FBRSL1: variants seen among roughly 807,000 people sequenced by gnomAD.
FBRSL1 encodes the protein fibrosin like 1.
Under a neutral mutation model 89.6 loss-of-function variants are expected in FBRSL1, and 51 were observed. The ratio of observed to expected loss-of-function variants is 0.57; its 90% CI spans 0.45 to 0.72. The LOEUF is 0.72. Ranked by LOEUF, FBRSL1 falls within the 30% of genes least tolerant of loss-of-function variation. FBRSL1 has a pLI of 0.00. For missense variants in FBRSL1, 1,618 were observed against 1,451.8 expected (o/e 1.11, Z -1.86); for synonymous variants, 779 against 681.1 (o/e 1.14, Z -2.24).
At chr12:132,557,001 G>A (rs960387723) in intron 5 of FBRSL1, among the ~76,000 whole-genome samples, 7 of 152,340 alleles carry the variant, frequency 4.6e-5, no homozygotes, top group South Asian at 4.1e-4. Context: ...AACCATGGCC[G>A]AATGGAGGTT....
intron 4 of FBRSL1, among the ~76,000 whole-genome samples, chr12:132,535,830 T>C (rs2036668670): frequency 6.9e-6 from 1 of 145,188 alleles, no homozygotes; most frequent in South Asian, 2.2e-4. Flanking sequence ...ATGGTGTGAG[T>C]GCACGTGTCC....
At chr12:132,540,881 A>G (rs898846152) in intron 4 of FBRSL1, among the ~76,000 whole-genome samples, 2 of 152,196 alleles carry the variant, frequency 1.3e-5, no homozygotes, top group Non-Finnish European at 2.9e-5. Context: ...CTTGCTGAGT[A>G]GCCATACAGC....
At chr12:132,548,576 C>T (rs947302896) in intron 5 of FBRSL1, among the ~76,000 whole-genome samples, 3 of 152,224 alleles carry the variant, frequency 2.0e-5, no homozygotes, top group Non-Finnish European at 2.9e-5. Flanking sequence ...GAGCCACGTC[C>T]CCTCAGCCTC....
intron 14 of FBRSL1, among the ~76,000 whole-genome samples, chr12:132,576,253 C>T (rs1364509953): frequency 1.3e-5 from 2 of 149,002 alleles, no homozygotes; most frequent in African/African-American, 2.5e-5. Flanking sequence ...AGTGCAGTGG[C>T]ATGATCTCGG....
Position 132,562,808 on chromosome 12 carries a change from G to C in FBRSL1, c.646-4673G>C, listed in dbSNP as rs1275442070. 2.6e-5 allele frequency among the ~76,000 whole-genome samples: 4 copies of C among 152,230 alleles called. No homozygotes were observed. In the East Asian group the frequency reaches 7.7e-4, roughly 29 times the overall value. Reference sequence around the variant, plus strand: ...GCATGGACCTGCTGCTCTTCTCTGTGGTTCAGGCCCTTGCGACGTGACTAG... The same window carrying C: ...GCATGGACCTGCTGCTCTTCTCTGTCGTTCAGGCCCTTGCGACGTGACTAG... On this transcript the variant is annotated intron_variant, in intron 5 of 18. Transcript: ENST00000680143.
rs937592177 is a variant in FBRSL1, at chr12:132,546,463, G to A, written c.616-1540G>A. ...TACCTCTCACCCTGAAGGCCAGACCGGGGGAACCCTAGGAGAGGGCTTGGC... is the reference window on the plus strand; with the variant it reads ...TACCTCTCACCCTGAAGGCCAGACCAGGGGAACCCTAGGAGAGGGCTTGGC... On this transcript the variant is annotated intron_variant, in intron 4 of 18. Coordinates refer to ENST00000680143, the MANE Select transcript of FBRSL1 (RefSeq NM_001367871.1). The surrounding 1 kb of genome is among the most constrained non-coding windows in gnomAD (Gnocchi z 4.0). 1.6e-4 allele frequency among the ~76,000 whole-genome samples: 24 copies of A among 152,198 alleles called. 2 individuals carry two copies. Among genetic ancestry groups the A allele is most frequent in the African/African-American group, 5.3e-4 (22 of 41,526 alleles).
At chr12:132,552,938 T>C in intron 5 of FBRSL1, 1 of 156,930 alleles carries the variant, frequency 6.4e-6, no homozygotes. Context: ...AGCAGTCCAG[T>C]GTGCGGGCCG....
chr12:132,570,971 CG>C, intron 8 of FBRSL1, 96 bp from the exon 9 acceptor site: 2 of 827,210 alleles, frequency 2.4e-6, no homozygotes, highest in Non-Finnish European at 2.9e-6. Flanking sequence ...AGGCTGGGGA[CG>C]GCCCCGTGTC....
In FBRSL1 at chr12:132,581,512, G is replaced by A. The variant is rs2040745762; in HGVS notation, c.1908G>A (p.Leu636=). The A allele has an allele frequency of 1.3e-6, 2 of 1,550,986 alleles. No individual in the cohort carries two copies. Among genetic ancestry groups the A allele is most frequent in the Non-Finnish European group, 1.7e-6 (2 of 1,146,904 alleles). ...GCAGCTTCCTGCCCACTGGCCCCCT[G>A]ACAGGTGGGTGTCTCTGAATTCAGC... ...HPGSFLPTGP[L]TDPFSRPSTF... The change falls in exon 16 of 19, where the codon CTG becomes CTA. Residue 636 remains leucine (L), a synonymous_variant. Coordinates refer to ENST00000680143, the MANE Select transcript of FBRSL1 (RefSeq NM_001367871.1).
intron 5 of FBRSL1, among the ~76,000 whole-genome samples, chr12:132,560,383 C>G (rs946593754): frequency 3.9e-5 from 6 of 151,950 alleles, no homozygotes; most frequent in Non-Finnish European, 8.8e-5. Context: ...GAGACCGCGT[C>G]CTCCCGGGGG....
In FBRSL1 at chr12:132,572,530, T is replaced by C; in HGVS notation, c.1438T>C (p.Phe480Leu). Residue 480 changes from phenylalanine to leucine, a missense_variant, in exon 11 of 19, where the codon TTC becomes CTC. By Grantham distance (22) the Phe-to-Leu change is conservative. Transcript: ENST00000680143. ...ATCCGCTCTCCTTCTCTTACAGTTC[T>C]TCCCGTCCTTCCCTCCTGCCATCCC... ...PYFRHSSVSF[F>L]PSFPPAIPGL... 3 of 1,550,698 alleles carry C rather than the reference T, an allele frequency of 1.9e-6. No homozygotes were observed. Among genetic ancestry groups the C allele is most frequent in the Non-Finnish European group, 2.6e-6 (3 of 1,146,206 alleles).
intron 5 of FBRSL1, among the ~76,000 whole-genome samples, chr12:132,562,335 G>C (rs2039200019): frequency 6.6e-6 from 1 of 152,114 alleles, no homozygotes. Context: ...TGGCCGCAAG[G>C]CTGGGGGAGG....
intron 4 of FBRSL1, among the ~76,000 whole-genome samples, chr12:132,529,344 C>T (rs993923165): frequency 5.3e-5 from 8 of 152,204 alleles, no homozygotes; most frequent in Non-Finnish European, 1.2e-4. Flanking sequence ...GGCAAGGGAG[C>T]GGCATGGGCG....
chr12:132,509,400 C>G, intron 2 of FBRSL1: 1 of 1,242,250 alleles, frequency 8.0e-7, no homozygotes, highest in Non-Finnish European at 1.0e-6. Flanking sequence ...CTGCCAGCCC[C>G]GGCGGTCACT....
intron 11 of FBRSL1, 79 bp downstream of exon 11, chr12:132,572,701 C>T: frequency 7.8e-6 from 8 of 1,025,514 alleles, no homozygotes; most frequent in Non-Finnish European, 1.2e-5. Flanking sequence ...CCTCGCCAAA[C>T]TCTCTGCCCA....
chr12:132,527,828 G>A lies in FBRSL1; in HGVS notation c.580-125G>A, dbSNP rs116120775. The A allele has an allele frequency of 4.1e-3, 3,628 of 878,162 alleles. 90 individuals are homozygous for A. The African/African-American group carries it at 0.05, about 12-fold the overall frequency. The allele number at this position is 878,162 out of a possible 1,614,324, so 54.4% of individuals were successfully genotyped here. On this transcript the variant is annotated intron_variant, in intron 3 of 18. Transcript: ENST00000680143. ...CGGGTCTGTGGATCTGCGGGGCAGG[G>A]CTGTGAGCTGCAGGGCTGCGGGGCA... is the stretch of plus-strand genomic sequence containing the variant.
intron 2 of FBRSL1, among the ~76,000 whole-genome samples, chr12:132,519,340 C>T (rs1396452926): frequency 1.3e-5 from 2 of 152,142 alleles, no homozygotes; most frequent in Non-Finnish European, 2.9e-5. Context: ...GTGTCAGGAA[C>T]GGTTTCAGGA....
intron 2 of FBRSL1, among the ~76,000 whole-genome samples, chr12:132,514,066 C>G (rs900183862): frequency 6.6e-6 from 1 of 152,234 alleles, no homozygotes; most frequent in African/African-American, 2.4e-5. Flanking sequence ...GGGCCTTCCC[C>G]GTTTGCTCAT....
At chr12:132,567,680 G>C (rs1256611432) in intron 6 of FBRSL1, among the ~76,000 whole-genome samples, 154 bp downstream of exon 6, 1 of 152,132 alleles carries the variant, frequency 6.6e-6, no homozygotes, top group African/African-American at 2.4e-5. Context: ...GGGATTGCTG[G>C]GAAGCCCCCA....
Sources: allele counts gnomAD v4.1 joint callset (sites outside exome capture counted in the v4.1 genomes callset), GRCh38; gene constraint gnomAD v4.1.1; non-coding constraint Gnocchi (gnomAD v3.1); transcripts MANE v1.5; gene names NCBI Gene and HGNC (gene_info 2026-07-23, HGNC 2026-07-21).